CNN3: variants seen among roughly 807,000 people sequenced by gnomAD.
CNN3 encodes the protein calponin-3.
Under a neutral mutation model 39.0 loss-of-function variants are expected in CNN3, and 11 were observed. The observed-to-expected ratio is 0.28, with a 90% CI of 0.18 to 0.47. CNN3 has a LOEUF of 0.47. Among genes scored for constraint, CNN3 ranks in the 20% least tolerant of loss-of-function variants. The pLI, the probability that CNN3 is intolerant of heterozygous loss-of-function variation, is 0.99. For missense variants in CNN3, 266 were observed against 403.4 expected, an observed-to-expected ratio of 0.66 and a Z score of 2.92; for synonymous variants, 101 against 138.3, an observed-to-expected ratio of 0.73 and a Z score of 1.89.
intron 1 of CNN3, among the ~76,000 whole-genome samples, chr1:94,909,588 C>A (rs1009648035): frequency 6.6e-6 from 1 of 152,174 alleles, no homozygotes; most frequent in African/African-American, 2.4e-5. Context: ...TGGACTAAGA[C>A]CACCTTCAGA....
chr1:94,920,657 GTAAGA>G (rs761792104), intron 1 of CNN3, among the ~76,000 whole-genome samples: 6 of 152,166 alleles, frequency 3.9e-5, no homozygotes, highest in Non-Finnish European at 7.3e-5. Flanking sequence ...AAAGTTCACA[GTAAGA>G]TGCAGAACCA....
chr1:94,923,430 TG>T (rs1204620126), intron 1 of CNN3, among the ~76,000 whole-genome samples: 1 of 152,130 alleles, frequency 6.6e-6, no homozygotes, highest in Non-Finnish European at 1.5e-5. Context: ...ATTGATCATT[TG>T]GTGTCATTTT....
chr1:94,916,634 G>A lies in CNN3; in HGVS notation c.57+10204C>T, dbSNP rs1191525612. Reference sequence around the variant, plus strand: ...CCCTCTCTGGACTCAGTACCCTCTCGTCTTGAAAGATGTCAATTCTCCCTG... The same window carrying A: ...CCCTCTCTGGACTCAGTACCCTCTCATCTTGAAAGATGTCAATTCTCCCTG... On this transcript the variant is annotated intron_variant, in intron 1 of 6. Transcript: ENST00000370206. Among the ~76,000 whole-genome samples the A allele has an allele frequency of 3.3e-5, 5 of 152,238 alleles. No homozygotes were observed. In the East Asian group the frequency reaches 7.7e-4, roughly 24 times the overall value.
At chr1:94,906,354 C>A (rs1182261296) in intron 1 of CNN3, among the ~76,000 whole-genome samples, 1 of 152,102 alleles carries the variant, frequency 6.6e-6, no homozygotes, top group Non-Finnish European at 1.5e-5. Context: ...AAAATAAATT[C>A]TCACTATATA....
intron 1 of CNN3, among the ~76,000 whole-genome samples, chr1:94,904,274 A>C (rs1311708515): frequency 6.6e-6 from 1 of 152,224 alleles, no homozygotes; most frequent in Non-Finnish European, 1.5e-5. Flanking sequence ...GCTATTATAC[A>C]TGGTAAAACT....
At chr1:94,901,585 T>C (rs1484034146) in intron 5 of CNN3, 84 bp downstream of exon 5, 2 of 914,390 alleles carry the variant, frequency 2.2e-6, no homozygotes, top group East Asian at 5.2e-5. Flanking sequence ...CTTCTGTCTA[T>C]TCTTAGGAGA....
chr1:94,900,010 C>T (rs1323353828), intron 5 of CNN3, among the ~76,000 whole-genome samples: 1 of 152,096 alleles, frequency 6.6e-6, no homozygotes, highest in Non-Finnish European at 1.5e-5. Context: ...CAGAAAGGAA[C>T]CACATTTTAT....
At position 94,926,723 on chromosome 1, in the gene CNN3, C is replaced by T. The variant is rs995052766; in HGVS notation, c.57+115G>A. On this transcript the variant is annotated intron_variant, in intron 1 of 6. Coordinates refer to ENST00000370206, the MANE Select transcript of CNN3 (RefSeq NM_001839.5). This position sits in a 1 kb window ranked among gnomAD's most constrained non-coding sequence, Gnocchi z 4.2. Reference sequence around the variant, plus strand: ...AGAGACGCTCGCGCCGCCTCGACGGCCCCTCTCCAGGAAAACGGTGAGCCA... The same window carrying T: ...AGAGACGCTCGCGCCGCCTCGACGGTCCCTCTCCAGGAAAACGGTGAGCCA... 6 of 1,192,292 alleles carry T rather than the reference C, an allele frequency of 5.0e-6. No homozygotes were observed. Among genetic ancestry groups the T allele is most frequent in the Non-Finnish European group, 7.2e-6 (6 of 828,722 alleles). 73.9% of individuals were successfully genotyped at this position (1,192,292 alleles called of 1,614,324 possible). A position where few individuals can be genotyped will look rare whatever the true frequency, so the allele number is the denominator to read the frequency against.
At chr1:94,915,348 GA>G (rs1671255614) in intron 1 of CNN3, among the ~76,000 whole-genome samples, 1 of 152,146 alleles carries the variant, frequency 6.6e-6, no homozygotes, top group Non-Finnish European at 1.5e-5. Context: ...CCAAGACAAA[GA>G]GGGACATAAT....
chr1:94,913,653 T>C (rs1426648447), intron 1 of CNN3, among the ~76,000 whole-genome samples: 1 of 152,162 alleles, frequency 6.6e-6, no homozygotes, highest in Non-Finnish European at 1.5e-5. Context: ...ATATAGCCTA[T>C]TATGAGAAAC....
chr1:94,914,172 T>A (rs1671227835), intron 1 of CNN3, among the ~76,000 whole-genome samples: 2 of 152,186 alleles, frequency 1.3e-5, no homozygotes, highest in Admixed American at 1.3e-4. Flanking sequence ...CAGCAGGACC[T>A]CTAGGTGCCT....
chr1:94,904,307 T>C (rs1390044751), intron 1 of CNN3, among the ~76,000 whole-genome samples: 4 of 63,476 alleles, frequency 6.3e-5, no homozygotes, highest in Non-Finnish European at 1.2e-4. Flanking sequence ...TTTTGAAAGA[T>C]CCCTTTTTAA....
intron 1 of CNN3, among the ~76,000 whole-genome samples, chr1:94,908,132 T>G (rs1182946858): frequency 2.0e-5 from 3 of 152,212 alleles, no homozygotes; most frequent in Admixed American, 2.0e-4. Context: ...GAATACTGTC[T>G]AGGCACACCT....
intron 1 of CNN3, among the ~76,000 whole-genome samples, chr1:94,912,522 G>A (rs1287786600): frequency 1.3e-5 from 2 of 152,106 alleles, no homozygotes; most frequent in Non-Finnish European, 2.9e-5. Context: ...CAGGGAGAAG[G>A]GCAGCCATCA....
At position 94,902,253 on chromosome 1, in the gene CNN3, C is replaced by T. The variant is rs777907457; in HGVS notation, c.252G>A (p.Glu84=). 1 of 1,609,954 alleles carries T rather than the reference C, an allele frequency of 6.2e-7. No individual in the cohort carries two copies. The highest frequency in any genetic ancestry group is 8.5e-7 in the Non-Finnish European group (1 of 1,177,396). The change falls in exon 4 of 7, where the codon GAG becomes GAA. Residue 84 remains glutamate, a synonymous_variant. Coordinates refer to ENST00000370206, the MANE Select transcript of CNN3 (RefSeq NM_001839.5). ...TAGCTTTAATAAAGTTGCCAATATT[C>T]TCCAACTATAAAGAAGAAGAGTTTT... ...NESSLNWPQL[E]NIGNFIKAIQ...
intron 1 of CNN3, among the ~76,000 whole-genome samples, chr1:94,922,271 C>T (rs151064783): frequency 6.6e-4 from 100 of 152,216 alleles, no homozygotes; most frequent in Non-Finnish European, 1.2e-3. Flanking sequence ...AGAATATTTT[C>T]TTTTTAACCA....
At chr1:94,912,877 T>C (rs1478648859) in intron 1 of CNN3, among the ~76,000 whole-genome samples, 2 of 152,192 alleles carry the variant, frequency 1.3e-5, no homozygotes, top group Non-Finnish European at 2.9e-5. Flanking sequence ...AGCGCACTCC[T>C]GAAGTCCAGT....
At chr1:94,920,129 C>T (rs1432388330) in intron 1 of CNN3, among the ~76,000 whole-genome samples, 1 of 152,168 alleles carries the variant, frequency 6.6e-6, no homozygotes, top group Non-Finnish European at 1.5e-5. Flanking sequence ...AGAATACAAC[C>T]AAGCCCGGTA....
intron 1 of CNN3, among the ~76,000 whole-genome samples, chr1:94,908,337 C>G (rs1452458406): frequency 6.6e-6 from 1 of 152,204 alleles, no homozygotes; most frequent in African/African-American, 2.4e-5. Flanking sequence ...GTTCCTGTGC[C>G]TGGGTCCAGG....
Sources: gnomAD v4.1 joint callset for allele counts (sites outside exome capture counted in the v4.1 genomes callset) on GRCh38, gnomAD v4.1.1 for gene constraint, Gnocchi (gnomAD v3.1) non-coding constraint, MANE v1.5 for transcripts, NCBI Gene and HGNC (gene_info 2026-07-23, HGNC 2026-07-21) for gene names.